The following FBXL17 variants were observed in gnomAD, a reference collection of about 807,000 sequenced individuals.
FBXL17 encodes F-box and leucine rich repeat protein 17.
FBXL17 carries 22 observed loss-of-function variants against 66.2 expected under a neutral mutation model. The ratio of observed to expected loss-of-function variants is 0.33; its 90% CI spans 0.24 to 0.47. The LOEUF (loss-of-function observed/expected upper bound fraction) is 0.47. Among genes scored for constraint, FBXL17 ranks in the 20% least tolerant of loss-of-function variants. The pLI, the probability that FBXL17 is intolerant of heterozygous loss-of-function variation, is 1.00. For missense variants in FBXL17, 878 were observed against 948.2 expected (o/e 0.93, Z 0.97); for synonymous variants, 474 against 400.5 (o/e 1.18, Z -2.19).
chr5:108,340,971 A>G (rs533367207), intron 4 of FBXL17, among the ~76,000 whole-genome samples: 1 of 152,198 alleles, frequency 6.6e-6, no homozygotes, highest in South Asian at 2.1e-4. Context: ...TTGAAAATGT[A>G]CATATCTTAG....
At chr5:107,979,726 A>G (rs4957546) in intron 7 of FBXL17, among the ~76,000 whole-genome samples, 15,218 of 152,220 alleles carry the variant, frequency 0.1, 872 homozygotes, top group Non-Finnish European at 0.13. Context: ...CTAACATCTA[A>G]CTAGGACTTT....
At chr5:108,032,529 A>G (rs1195077715) in intron 6 of FBXL17, among the ~76,000 whole-genome samples, 3 of 152,146 alleles carry the variant, frequency 2.0e-5, no homozygotes, top group Admixed American at 6.6e-5. Context: ...TAGCATACTC[A>G]CAAGAGAGAG....
chr5:108,143,347 T>TCACACACACACA (rs67696841), intron 6 of FBXL17, among the ~76,000 whole-genome samples: 7 of 147,686 alleles, frequency 4.7e-5, no homozygotes, highest in African/African-American at 1.8e-4. Flanking sequence ...AACAGCATTC[T>TCACACACACACA]CACACACACA....
At chr5:108,348,254 C>G in intron 4 of FBXL17, 145 bp downstream of exon 4, 4 of 600,872 alleles carry the variant, frequency 6.7e-6, no homozygotes, top group Non-Finnish European at 1.1e-5. Flanking sequence ...TTTATAAAAT[C>G]ATCACTTTAA....
chr5:108,381,848 G>A lies in FBXL17; in HGVS notation c.-157C>T. 7.7e-7 allele frequency: 1 copy of A among 1,298,250 alleles called. No homozygotes were observed. The highest frequency in any genetic ancestry group is 9.8e-7 in the Non-Finnish European group (1 of 1,023,850). The allele number at this position is 1,298,250 out of a possible 1,614,324, so 80.4% of individuals were successfully genotyped here. Reference sequence around the variant, plus strand: ...CACACGGGCACACACGCGACGGTGGGGGGTGGGCGTCAGCTGCGGGCCGCC... The same window carrying A: ...CACACGGGCACACACGCGACGGTGGAGGGTGGGCGTCAGCTGCGGGCCGCC... On this transcript the variant is annotated 5_prime_UTR_variant, in exon 1 of 9. Coordinates refer to ENST00000542267, the MANE Select transcript of FBXL17 (RefSeq NM_001163315.3).
chr5:108,079,097 C>T (rs764164149), intron 6 of FBXL17, among the ~76,000 whole-genome samples: 1 of 151,976 alleles, frequency 6.6e-6, no homozygotes, highest in East Asian at 1.9e-4. Context: ...GATCCTCCTG[C>T]CTCAGCCTCC....
chr5:108,196,067 A>T (rs1424935042), intron 5 of FBXL17, among the ~76,000 whole-genome samples: 2 of 152,110 alleles, frequency 1.3e-5, no homozygotes, highest in African/African-American at 4.8e-5. Flanking sequence ...ATTATATATA[A>T]ATGTGTTAAA....
chr5:108,015,807 A>G (rs1754361701), intron 7 of FBXL17, among the ~76,000 whole-genome samples: 1 of 152,160 alleles, frequency 6.6e-6, no homozygotes, highest in African/African-American at 2.4e-5. Context: ...TAACCTTTTA[A>G]TCTTCCAATA....
chr5:108,313,573 G>T (rs1759223091), intron 4 of FBXL17, among the ~76,000 whole-genome samples: 1 of 151,956 alleles, frequency 6.6e-6, no homozygotes, highest in African/African-American at 2.4e-5. Context: ...GTAAGAGTTG[G>T]ATAGTGGCAA....
At chr5:108,310,959 C>G (rs1325284246) in intron 4 of FBXL17, among the ~76,000 whole-genome samples, 1 of 152,114 alleles carries the variant, frequency 6.6e-6, no homozygotes, top group African/African-American at 2.4e-5. Flanking sequence ...AAAATGCCAG[C>G]AAACTTCTTC....
chr5:108,373,393 T>C (rs1010954809), intron 1 of FBXL17, among the ~76,000 whole-genome samples: 1 of 133,732 alleles, frequency 7.5e-6, no homozygotes, highest in African/African-American at 3.5e-5. Context: ...AATATATTAA[T>C]ATATTTAGAT....
chr5:108,298,263 C>A (rs1236383757), intron 4 of FBXL17: 1 of 984,608 alleles, frequency 1.0e-6, no homozygotes, highest in Non-Finnish European at 1.2e-6. Flanking sequence ...CTACTTCTTA[C>A]TACTATGTGA....
intron 6 of FBXL17, among the ~76,000 whole-genome samples, chr5:108,119,951 C>G (rs1173816986): frequency 1.3e-5 from 2 of 152,202 alleles, no homozygotes; most frequent in African/African-American, 4.8e-5. Context: ...TTGATCAGGC[C>G]CTGGCATTAG....
At chr5:108,037,028 T>A (rs1419049086) in intron 6 of FBXL17, among the ~76,000 whole-genome samples, 1 of 152,110 alleles carries the variant, frequency 6.6e-6, no homozygotes, top group Non-Finnish European at 1.5e-5. Context: ...AAAGGCTGCA[T>A]ATGTAGATCC....
intron 6 of FBXL17, among the ~76,000 whole-genome samples, chr5:108,088,970 C>A (rs918358023): frequency 1.3e-5 from 2 of 152,108 alleles, no homozygotes; most frequent in African/African-American, 4.8e-5. Context: ...AGGCCTCCTC[C>A]CAAATTGCCT....
At chr5:108,260,115 T>C (rs1756749675) in intron 4 of FBXL17, among the ~76,000 whole-genome samples, 1 of 151,976 alleles carries the variant, frequency 6.6e-6, no homozygotes, top group Non-Finnish European at 1.5e-5. Context: ...AACTTTTCCA[T>C]GCTACTCTTG....
At chr5:108,296,230 G>A (rs1758345356) in intron 4 of FBXL17, among the ~76,000 whole-genome samples, 1 of 151,798 alleles carries the variant, frequency 6.6e-6, no homozygotes, top group Non-Finnish European at 1.5e-5. Context: ...AGAACACTAG[G>A]AAGAAGTGAT....
chr5:107,980,075 T>C (rs879810856), intron 7 of FBXL17, among the ~76,000 whole-genome samples: 7 of 152,196 alleles, frequency 4.6e-5, no homozygotes, highest in Non-Finnish European at 8.8e-5. Flanking sequence ...TGAACCTATG[T>C]AGGATGTGGC....
At chr5:108,372,653 G>A (rs1342292927) in intron 1 of FBXL17, among the ~76,000 whole-genome samples, 1 of 152,104 alleles carries the variant, frequency 6.6e-6, no homozygotes, top group Admixed American at 6.5e-5. Flanking sequence ...TGTCAACCAA[G>A]AATCCTCTAT....
Sources: gnomAD v4.1 joint callset for allele counts (sites outside exome capture counted in the v4.1 genomes callset) on GRCh38, gnomAD v4.1.1 for gene constraint, MANE v1.5 for transcripts, NCBI Gene and HGNC (gene_info 2026-07-23, HGNC 2026-07-21) for gene names.